The following UNC5D variants were observed in gnomAD, a reference collection of about 807,000 sequenced individuals.
The protein encoded by UNC5D is unc-5 netrin receptor D, also known as netrin receptor UNC5D.
In UNC5D, 39 loss-of-function variants were observed where a neutral mutation model predicts 105.4. That is an observed-to-expected ratio of 0.37 (90% confidence interval 0.29 to 0.48). The LOEUF is 0.48. UNC5D is among the 20% of genes least tolerant of loss of function. The pLI is 0.98. For missense variants in UNC5D, 991 were observed against 1,202.4 expected (o/e 0.82, Z 2.60); for synonymous variants, 452 against 450.4 (o/e 1.00, Z -0.04).
chr8:35,700,407 A>AT (rs1443701800), intron 7 of UNC5D, among the ~76,000 whole-genome samples: 3 of 152,154 alleles, frequency 2.0e-5, no homozygotes, highest in Admixed American at 6.6e-5. Context: ...ACTGACAGTG[A>AT]TTTTTAAAGT....
At chr8:35,362,558 G>C (rs7007689) in intron 1 of UNC5D, among the ~76,000 whole-genome samples, 4,000 of 152,204 alleles carry the variant, frequency 0.026, 180 homozygotes, top group African/African-American at 0.092. Context: ...GAAATAATTA[G>C]GCTCTAAGGT....
chr8:35,642,525 A>G (rs770155974), intron 4 of UNC5D, among the ~76,000 whole-genome samples: 4 of 152,040 alleles, frequency 2.6e-5, no homozygotes, highest in Admixed American at 6.6e-5. Flanking sequence ...GTTTACACTC[A>G]GGCTTTAAGT....
intron 1 of UNC5D, among the ~76,000 whole-genome samples, chr8:35,361,825 A>G (rs1801870179): frequency 6.6e-6 from 1 of 152,194 alleles, no homozygotes; most frequent in Non-Finnish European, 1.5e-5. Context: ...AATTCTGCCT[A>G]GAACAGCCCA....
At chr8:35,281,042 TCCCGTTG>T (rs1172420749) in intron 1 of UNC5D, among the ~76,000 whole-genome samples, 3 of 152,176 alleles carry the variant, frequency 2.0e-5, no homozygotes, top group Non-Finnish European at 4.4e-5. Context: ...CTTTTTCTGT[TCCCGTTG>T]CCGGAACTCA....
At chr8:35,576,135 G>C (rs2130820200) in intron 3 of UNC5D, among the ~76,000 whole-genome samples, 1 of 152,064 alleles carries the variant, frequency 6.6e-6, no homozygotes, top group South Asian at 2.1e-4. Flanking sequence ...TGAAAATATG[G>C]AGCCCTTTGT....
intron 1 of UNC5D, among the ~76,000 whole-genome samples, chr8:35,390,280 G>T (rs1803689403): frequency 6.6e-6 from 1 of 152,138 alleles, no homozygotes; most frequent in Non-Finnish European, 1.5e-5. Context: ...CAGCATTGGG[G>T]ATTACGTTTG....
At chr8:35,276,172 T>C (rs2128842499) in intron 1 of UNC5D, among the ~76,000 whole-genome samples, 2 of 152,304 alleles carry the variant, frequency 1.3e-5, no homozygotes, top group Admixed American at 1.3e-4. Context: ...AGTAAAGAGG[T>C]TTACACTGAT....
At chr8:35,460,750 T>G (rs775315131) in intron 1 of UNC5D, among the ~76,000 whole-genome samples, 5 of 152,214 alleles carry the variant, frequency 3.3e-5, no homozygotes, top group Admixed American at 1.3e-4. Context: ...TGGCTGGTTT[T>G]TTTGTTTGTT....
chr8:35,261,244 A>T (rs1338328621), intron 1 of UNC5D, among the ~76,000 whole-genome samples: 2 of 152,116 alleles, frequency 1.3e-5, no homozygotes, highest in African/African-American at 4.8e-5. Context: ...AATAAGGCAA[A>T]CCTATCTTAA....
chr8:35,238,320 A>T (rs578168257), intron 1 of UNC5D, among the ~76,000 whole-genome samples: 1 of 152,242 alleles, frequency 6.6e-6, no homozygotes, highest in Non-Finnish European at 1.5e-5. Flanking sequence ...TTTTGAATAT[A>T]CTCTAGGAGG....
intron 4 of UNC5D, among the ~76,000 whole-genome samples, chr8:35,675,894 G>A (rs969939356): frequency 6.6e-6 from 1 of 151,662 alleles, no homozygotes; most frequent in Admixed American, 6.6e-5. Flanking sequence ...ACATTTAGGT[G>A]TAAGGTTTAT....
At chr8:35,771,956 A>G (rs1802029466) in intron 15 of UNC5D, among the ~76,000 whole-genome samples, 1 of 152,200 alleles carries the variant, frequency 6.6e-6, no homozygotes, top group African/African-American at 2.4e-5. Flanking sequence ...GGGCTGAGAT[A>G]GATAAGGTAG....
At chr8:35,550,409 G>A (rs1165608728) in intron 2 of UNC5D, among the ~76,000 whole-genome samples, 2 of 152,078 alleles carry the variant, frequency 1.3e-5, no homozygotes, top group Non-Finnish European at 2.9e-5. Context: ...ATCCAATCTG[G>A]TCACACGTTA....
At chr8:35,768,441 A>G (rs1719780336) in intron 15 of UNC5D, among the ~76,000 whole-genome samples, 1 of 152,220 alleles carries the variant, frequency 6.6e-6, no homozygotes, top group Non-Finnish European at 1.5e-5. Flanking sequence ...TAAAATAAAA[A>G]TTGTAGGAAG....
At chr8:35,604,270 C>G (rs1222533338) in intron 4 of UNC5D, among the ~76,000 whole-genome samples, 1 of 152,126 alleles carries the variant, frequency 6.6e-6, no homozygotes, top group Non-Finnish European at 1.5e-5. Context: ...ATTTGCTTGT[C>G]TGTAAAGGAT....
chr8:35,737,495 A>AG (rs1395108142), intron 11 of UNC5D, among the ~76,000 whole-genome samples: 2 of 152,120 alleles, frequency 1.3e-5, no homozygotes, highest in African/African-American at 4.8e-5. Context: ...GGTAGGAAAA[A>AG]AAAAATGACT....
chr8:35,628,647 A>G (rs1195180463), intron 4 of UNC5D, among the ~76,000 whole-genome samples: 1 of 152,232 alleles, frequency 6.6e-6, no homozygotes, highest in Non-Finnish European at 1.5e-5. Flanking sequence ...GAAATGGATT[A>G]GGTATTAAAT....
At chr8:35,789,467 A>G (rs1336818252) in intron 16 of UNC5D, among the ~76,000 whole-genome samples, 1 of 151,944 alleles carries the variant, frequency 6.6e-6, no homozygotes, top group Non-Finnish European at 1.5e-5. Context: ...AGGAAGAATC[A>G]AAAACAAATG....
chr8:35,743,707 T>C (rs913576000), intron 11 of UNC5D, among the ~76,000 whole-genome samples: 1 of 152,162 alleles, frequency 6.6e-6, no homozygotes, highest in African/African-American at 2.4e-5. Flanking sequence ...AATATTTTAC[T>C]AAATATTCTG....
Sources: allele counts gnomAD v4.1 joint callset (sites outside exome capture counted in the v4.1 genomes callset), GRCh38; gene constraint gnomAD v4.1.1; transcripts MANE v1.5; gene names NCBI Gene and HGNC (gene_info 2026-07-23, HGNC 2026-07-21).